CFAP47: variants seen among roughly 807,000 people sequenced by gnomAD.
The protein encoded by CFAP47 is cilia- and flagella-associated protein 47.
Under a neutral mutation model 148.1 loss-of-function variants are expected in CFAP47, and 29 were observed. The ratio of observed to expected loss-of-function variants is 0.20; its 90% CI spans 0.15 to 0.27. CFAP47 has a LOEUF of 0.27. Ranked by LOEUF, CFAP47 falls within the 10% of genes least tolerant of loss-of-function variation. The pLI is 1.00. For synonymous variants in CFAP47, 664 were observed against 577.3 expected, an observed-to-expected ratio of 1.15 and a Z score of -2.15; for missense variants, 1,872 against 1,697.5, an observed-to-expected ratio of 1.10 and a Z score of -1.81.
Position 35,996,273 on chromosome X carries a change from T to G in CFAP47, c.3100-1039T>G, listed in dbSNP as rs1936847171. ...TTTCTCTGAAGCATTAAGTTATGCTTCTTTTGATTTTAGTCAAATATGTTT... is the reference window on the plus strand; with the variant it reads ...TTTCTCTGAAGCATTAAGTTATGCTGCTTTTGATTTTAGTCAAATATGTTT... On this transcript the variant is annotated intron_variant, in intron 18 of 63. Coordinates refer to ENST00000378653, the MANE Select transcript of CFAP47 (RefSeq NM_001304548.2). Among the ~76,000 whole-genome samples, 3 of 111,739 alleles carry G rather than the reference T, an allele frequency of 2.7e-5. 1 individual carries two copies. The Admixed American group carries it at 2.9e-4, about 11-fold the overall frequency.
intron 63 of CFAP47, among the ~76,000 whole-genome samples, chrX:36,380,891 A>G (rs1259379322): frequency 8.9e-6 from 1 of 112,194 alleles, no homozygotes; most frequent in African/African-American, 3.2e-5. Flanking sequence ...AGAAGGCTTT[A>G]CCAACAAAAC....
In CFAP47 at chrX:35,927,154, CAA is replaced by C. The variant is rs35155006; in HGVS notation, c.401+1001_401+1002del. ...TGGATGACAAAGTGAGACCCTATCT[CAA>C]AAAAAAAAAAAAAATTCCCTTTCTT... On this transcript the variant is annotated intron_variant, in intron 2 of 63. Transcript: ENST00000378653. Among the ~76,000 whole-genome samples, 859 of 88,561 alleles carry C rather than the reference CAA, an allele frequency of 9.7e-3. 10 individuals are homozygous for C. The highest frequency in any genetic ancestry group is 0.03 in the African/African-American group (735 of 24,641). 76.9% of individuals were successfully genotyped at this position (88,561 alleles called of 115,157 possible).
In CFAP47 at chrX:36,306,121, TGTAA is replaced by T. The variant is rs1272869888; in HGVS notation, c.8083-648_8083-645del. ...ACATGTGCCACTCATGCTATCATTTTGTAAGTGTTTATCTTCAAATTAAATTATT... is the reference window on the plus strand; with the variant it reads ...ACATGTGCCACTCATGCTATCATTTTGTGTTTATCTTCAAATTAAATTATT... On this transcript the variant is annotated intron_variant, in intron 54 of 63. Coordinates refer to ENST00000378653, the MANE Select transcript of CFAP47 (RefSeq NM_001304548.2). Among the ~76,000 whole-genome samples, 83 of 112,248 alleles carry T rather than the reference TGTAA, an allele frequency of 7.4e-4. 1 individual carries two copies. The highest frequency in any genetic ancestry group is 2.6e-3 in the African/African-American group (81 of 31,030).
chrX:36,081,754 C>T (rs1175811285), intron 29 of CFAP47, among the ~76,000 whole-genome samples: 3 of 111,404 alleles, frequency 2.7e-5, no homozygotes, highest in African/African-American at 6.5e-5. Flanking sequence ...GTGATCATCT[C>T]AATAGATGTG....
At chrX:35,997,169 A>G (rs898404040) in intron 18 of CFAP47, 143 bp from the exon 19 acceptor site, 2 of 245,838 alleles carry the variant, frequency 8.1e-6, no homozygotes, top group African/African-American at 5.7e-5. Flanking sequence ...TGTGATGACA[A>G]TTACCAGAAA....
chrX:36,243,588 G>C (rs1166675277), intron 48 of CFAP47, among the ~76,000 whole-genome samples: 2 of 99,134 alleles, frequency 2.0e-5, no homozygotes, highest in African/African-American at 7.1e-5. Flanking sequence ...AACAAAAAAA[G>C]GCATTACATT....
intron 26 of CFAP47, among the ~76,000 whole-genome samples, chrX:36,053,124 T>C (rs914942700): frequency 4.5e-5 from 5 of 111,841 alleles, no homozygotes; most frequent in Admixed American, 2.9e-4. Flanking sequence ...AAAATAAGTA[T>C]GTAGATATAT....
intron 36 of CFAP47, among the ~76,000 whole-genome samples, chrX:36,147,509 A>C (rs1465739732): frequency 1.8e-5 from 2 of 112,623 alleles, no homozygotes; most frequent in African/African-American, 6.5e-5. Context: ...TCTGGGACTT[A>C]AAATCGCTTG....
At chrX:36,095,670 C>T (rs1369125203) in intron 30 of CFAP47, among the ~76,000 whole-genome samples, 1 of 110,694 alleles carries the variant, frequency 9.0e-6, no homozygotes, top group Non-Finnish European at 1.9e-5. Flanking sequence ...TATAGGTCAT[C>T]GTAGCTACTT....
chrX:36,183,102 G>T (rs1045989749), intron 40 of CFAP47, among the ~76,000 whole-genome samples: 1 of 112,304 alleles, frequency 8.9e-6, no homozygotes, highest in African/African-American at 3.2e-5. Flanking sequence ...TTGAGCTCAG[G>T]AGTTCAAGAC....
chrX:36,176,587 C>A (rs1323913946), intron 39 of CFAP47, among the ~76,000 whole-genome samples: 1 of 111,983 alleles, frequency 8.9e-6, no homozygotes, highest in African/African-American at 3.2e-5. Flanking sequence ...TCACGTTGTT[C>A]TAGGTCAGCA....
chrX:36,366,816 C>A, intron 61 of CFAP47, 150 bp from the exon 62 acceptor site: 1 of 314,111 alleles, frequency 3.2e-6, no homozygotes, highest in Non-Finnish European at 5.5e-6. Flanking sequence ...AATTAAAAGT[C>A]ATTTACATTA....
chrX:36,087,114 C>T (rs763229008), intron 30 of CFAP47, among the ~76,000 whole-genome samples: 7 of 111,964 alleles, frequency 6.3e-5, no homozygotes, highest in Admixed American at 9.5e-5. Context: ...CTCCCTGTCT[C>T]GTGTAAGCCC....
At chrX:35,978,103 C>T (rs1352133387) in intron 15 of CFAP47, among the ~76,000 whole-genome samples, 1 of 112,039 alleles carries the variant, frequency 8.9e-6, no homozygotes, top group East Asian at 2.8e-4. Flanking sequence ...GAAGAAAGAA[C>T]ATATTTCTGT....
intron 57 of CFAP47, among the ~76,000 whole-genome samples, chrX:36,345,386 G>A (rs1444648238): frequency 1.8e-5 from 2 of 111,027 alleles, no homozygotes; most frequent in Non-Finnish European, 3.8e-5. Flanking sequence ...GCATTAGTTA[G>A]ATTCTCATAA....
intron 44 of CFAP47, 130 bp from the exon 45 acceptor site, chrX:36,204,827 G>C (rs1444424850): frequency 7.1e-6 from 2 of 283,321 alleles, no homozygotes; most frequent in East Asian, 9.9e-5. Context: ...TAAAAATAAT[G>C]AAATAATCAA....
chrX:36,369,386 C>T lies in CFAP47; in HGVS notation c.9185+2259C>T, dbSNP rs782675176. The stretch of plus-strand genomic sequence containing the variant: ...CTAAAGTATAGATTTTGATTTTCTT[C>T]TATTTTTGTTCTAAGGGCATAATTA... On this transcript the variant is annotated intron_variant, in intron 62 of 63. Coordinates refer to ENST00000378653, the MANE Select transcript of CFAP47 (RefSeq NM_001304548.2). Among the ~76,000 whole-genome samples, 9 of 110,604 alleles carry T rather than the reference C, an allele frequency of 8.1e-5. No individual in the cohort carries two copies. In the East Asian group the frequency reaches 2.6e-3, roughly 31 times the overall value.
intron 61 of CFAP47, among the ~76,000 whole-genome samples, chrX:36,363,688 G>C (rs1412342512): frequency 8.9e-6 from 1 of 111,918 alleles, no homozygotes; most frequent in Non-Finnish European, 1.9e-5. Context: ...GAACATTTAT[G>C]TGTTTTGATA....
chrX:36,013,827 A>G lies in CFAP47; in HGVS notation c.3418-947A>G, dbSNP rs57881730. Among the ~76,000 whole-genome samples, 588 of 112,199 alleles carry G rather than the reference A, an allele frequency of 5.2e-3. 6 individuals carry two copies. The highest frequency in any genetic ancestry group is 0.018 in the African/African-American group (563 of 30,928). ...ATTCATCCACATTATTGTATGCAAC[A>G]GTAGTTCATTCTTTTATTGTTGAAA... On this transcript the variant is annotated intron_variant, in intron 21 of 63. Transcript: ENST00000378653.
Sources: allele counts gnomAD v4.1 joint callset (sites outside exome capture counted in the v4.1 genomes callset), GRCh38; gene constraint gnomAD v4.1.1; transcripts MANE v1.5; gene names NCBI Gene and HGNC (gene_info 2026-07-23, HGNC 2026-07-21).